CHFR: variants seen among roughly 807,000 people sequenced by gnomAD.
CHFR encodes E3 ubiquitin-protein ligase CHFR.
Under a neutral mutation model 87.6 loss-of-function variants are expected in CHFR, and 57 were observed. The observed-to-expected ratio is 0.65, with a 90% confidence interval of 0.53 to 0.81. The LOEUF (loss-of-function observed/expected upper bound fraction) is 0.81, where lower values mean the gene tolerates loss of function less well. Among genes scored for constraint, CHFR ranks in the 30% least tolerant of loss-of-function variants. CHFR has a pLI of 0.00. For missense variants in CHFR, 797 were observed against 865.8 expected (o/e 0.92, Z 1.00); for synonymous variants, 381 against 359.2 (o/e 1.06, Z -0.69).
rs1950628385 is a variant in CHFR, at chr12:132,833,425, A to G, written c.*8129T>C. On this transcript the variant is annotated 3_prime_UTR_variant, in exon 18 of 18. Coordinates refer to ENST00000450056, the MANE Select transcript of CHFR (RefSeq NM_001161346.2). ...AGACAACAAGCATAGAAGGTGACAG[A>G]AAGAGTCAAGAAAAGGCAGAGGCAA... is the stretch of plus-strand genomic sequence containing the variant. 1 of 152,254 alleles carries G rather than the reference A, an allele frequency of 6.6e-6. No individual in the cohort carries two copies. Among genetic ancestry groups the G allele is most frequent in the Admixed American group, 6.5e-5 (1 of 15,290 alleles). 9.4% of individuals were successfully genotyped at this position (152,254 alleles called of 1,614,324 possible).
At chr12:132,885,603 T>A (rs1593546021) in intron 2 of CHFR, among the ~76,000 whole-genome samples, 1 of 152,126 alleles carries the variant, frequency 6.6e-6, no homozygotes, top group East Asian at 1.9e-4. Flanking sequence ...AACGACATAT[T>A]TTCTCTCCTT....
chr12:132,885,861 T>A (rs141275031), intron 2 of CHFR, among the ~76,000 whole-genome samples: 2 of 152,210 alleles, frequency 1.3e-5, no homozygotes, highest in Non-Finnish European at 2.9e-5. Context: ...CCAAACCTCC[T>A]AGTCTATCAA....
intron 11 of CHFR, 27 bp from the exon 12 acceptor site, chr12:132,851,764 GC>G: frequency 6.3e-7 from 1 of 1,597,482 alleles, no homozygotes; most frequent in Non-Finnish European, 8.6e-7. Context: ...TTCAGCCGGA[GC>G]ACGTGGGACC....
intron 3 of CHFR, among the ~76,000 whole-genome samples, chr12:132,874,508 AGG>A (rs1951572212): frequency 1.5e-5 from 2 of 131,746 alleles, no homozygotes; most frequent in African/African-American, 2.9e-5. Context: ...ACAGGTGGGA[AGG>A]CCCAGGACCA....
intron 2 of CHFR, 120 bp downstream of exon 2, chr12:132,887,076 C>G (rs1462388927): frequency 1.4e-5 from 11 of 797,990 alleles, no homozygotes; most frequent in Non-Finnish European, 2.0e-5. Context: ...CCAGTTCTTA[C>G]ATGACATTTC....
intron 15 of CHFR, among the ~76,000 whole-genome samples, chr12:132,846,275 T>TG (rs1593448392): frequency 6.6e-6 from 1 of 150,602 alleles, no homozygotes; most frequent in East Asian, 2.0e-4. Flanking sequence ...TTTTTTTTTT[T>TG]TTTTTGAGAC....
intron 3 of CHFR, among the ~76,000 whole-genome samples, chr12:132,874,165 C>G (rs1951560803): frequency 6.6e-6 from 1 of 152,258 alleles, no homozygotes; most frequent in African/African-American, 2.4e-5. Context: ...CTCTGGACCT[C>G]CATAACTATA....
In CHFR at chr12:132,839,355, C is replaced by A. The variant is rs1259280928; in HGVS notation, c.*2199G>T. Reference sequence around the variant, plus strand: ...CTCAGGAACTCCCCTCTCGGCCTCACCCCCGCACTAACTCAGGACCTCCCC... The same window carrying A: ...CTCAGGAACTCCCCTCTCGGCCTCAACCCCGCACTAACTCAGGACCTCCCC... On this transcript the variant is annotated 3_prime_UTR_variant, in exon 18 of 18. Coordinates refer to ENST00000450056, the MANE Select transcript of CHFR (RefSeq NM_001161346.2). 6.0e-6 allele frequency: 1 copy of A among 165,764 alleles called. No individual in the cohort carries two copies. Among genetic ancestry groups the A allele is most frequent in the Admixed American group, 6.6e-5 (1 of 15,264 alleles). 10.3% of individuals were successfully genotyped at this position (165,764 alleles called of 1,614,324 possible). A position where few individuals can be genotyped will look rare whatever the true frequency, so the allele number is the denominator to read the frequency against.
Position 132,841,323 on chromosome 12 carries a change from G to A in CHFR, c.*231C>T, listed in dbSNP as rs182916402. The A allele has an allele frequency of 6.3e-6, 3 of 478,548 alleles. No homozygotes were observed. The highest frequency in any genetic ancestry group is 4.0e-5 in the African/African-American group (2 of 50,488). 29.6% of individuals were successfully genotyped at this position (478,548 alleles called of 1,614,324 possible). A position where few individuals can be genotyped will look rare whatever the true frequency, so the allele number is the denominator to read the frequency against. The stretch of plus-strand genomic sequence containing the variant: ...TCGTCTCTGCTGCTGATGCCACCAC[G>A]AGCCCTGCCCAGCGCTCACCAGGAG... On this transcript the variant is annotated 3_prime_UTR_variant, in exon 18 of 18. Transcript: ENST00000450056.
chr12:132,885,138 G>A (rs866974575), intron 2 of CHFR, among the ~76,000 whole-genome samples: 6 of 151,388 alleles, frequency 4.0e-5, no homozygotes, highest in Admixed American at 6.6e-5. Flanking sequence ...GGCCGGGCGC[G>A]ATAGCTCACG....
chr12:132,845,022 C>G (rs1387620305), intron 15 of CHFR, among the ~76,000 whole-genome samples: 3 of 152,136 alleles, frequency 2.0e-5, no homozygotes, highest in African/African-American at 7.2e-5. Context: ...TCTTGAAAAC[C>G]AAATTGCACA....
Position 132,841,537 on chromosome 12 carries a change from T to A in CHFR, c.*17A>T, listed in dbSNP as rs755292850. ...CTTCACCTCCAGTGCTGAAAGCTGCTCAGGGCCTCTGGATGCTTAGTTTTT... is the reference window on the plus strand; with the variant it reads ...CTTCACCTCCAGTGCTGAAAGCTGCACAGGGCCTCTGGATGCTTAGTTTTT... On this transcript the variant is annotated 3_prime_UTR_variant, in exon 18 of 18. Coordinates refer to ENST00000450056, the MANE Select transcript of CHFR (RefSeq NM_001161346.2). 6.2e-7 allele frequency: 1 copy of A among 1,608,744 alleles called. No homozygotes were observed. The highest frequency in any genetic ancestry group is 8.5e-7 in the Non-Finnish European group (1 of 1,175,078).
intron 3 of CHFR, 109 bp from the exon 4 acceptor site, chr12:132,872,503 C>T: frequency 2.9e-6 from 2 of 691,220 alleles, no homozygotes; most frequent in South Asian, 3.3e-5. Flanking sequence ...TCTGGAAATA[C>T]TCATAGGAAC....
At position 132,880,895 on chromosome 12, in the gene CHFR, G is replaced by A. The variant is rs1269553448; in HGVS notation, c.134-3241C>T. Among the ~76,000 whole-genome samples, 6 of 152,036 alleles carry A rather than the reference G, an allele frequency of 3.9e-5. No individual in the cohort carries two copies. In the South Asian group the frequency reaches 1.0e-3, roughly 26 times the overall value. Reference sequence around the variant, plus strand: ...CAGGAGAATGGTGGGAACCCAGGAAGCGGAGGTTACAGTGAGCCGAGATCA... The same window carrying A: ...CAGGAGAATGGTGGGAACCCAGGAAACGGAGGTTACAGTGAGCCGAGATCA... On this transcript the variant is annotated intron_variant, in intron 2 of 17. Coordinates refer to ENST00000450056, the MANE Select transcript of CHFR (RefSeq NM_001161346.2).
At chr12:132,874,856 C>G (rs12820237) in intron 3 of CHFR, among the ~76,000 whole-genome samples, 38 of 51,832 alleles carry the variant, frequency 7.3e-4, no homozygotes, top group African/African-American at 1.0e-3. Context: ...GTGCAGGGAA[C>G]CCAGGCCCTG....
intron 6 of CHFR, chr12:132,862,536 C>G (rs181964126): frequency 2.6e-6 from 1 of 377,536 alleles, no homozygotes; most frequent in Admixed American, 3.3e-5. Flanking sequence ...CCCGGGAGTT[C>G]GAGGCTACAG....
At chr12:132,864,924 G>A (rs1306514262) in intron 6 of CHFR, among the ~76,000 whole-genome samples, 1 of 152,222 alleles carries the variant, frequency 6.6e-6, no homozygotes, top group African/African-American at 2.4e-5. Context: ...ATAGGAACAG[G>A]AAACAATTTT....
intron 6 of CHFR, chr12:132,862,528 C>T (rs1951236569): frequency 2.5e-6 from 1 of 395,536 alleles, no homozygotes; most frequent in African/African-American, 2.1e-5. Flanking sequence ...CACTTGAGCC[C>T]GGGAGTTCGA....
Position 132,853,421 on chromosome 12 carries a change from C to A in CHFR, c.1372+10G>T, listed in dbSNP as rs375812260. On this transcript the variant is annotated intron_variant, in intron 11 of 17. Transcript: ENST00000450056. ...CGCGAAGGCTGAGGCCTGAGGGCGG[C>A]GCGGCTCACCTGTCGTCAGGCTGAC... 2 of 1,513,684 alleles carry A rather than the reference C, an allele frequency of 1.3e-6. No individual in the cohort carries two copies. The highest frequency in any genetic ancestry group is 2.4e-5 in the Admixed American group (1 of 41,432). The allele number at this position is 1,513,684 out of a possible 1,614,324, so 93.8% of individuals were successfully genotyped here. A position where few individuals can be genotyped will look rare whatever the true frequency, so the allele number is the denominator to read the frequency against.
Sources: allele counts gnomAD v4.1 joint callset (sites outside exome capture counted in the v4.1 genomes callset), GRCh38; gene constraint gnomAD v4.1.1; transcripts MANE v1.5; gene names NCBI Gene and HGNC (gene_info 2026-07-23, HGNC 2026-07-21).